The following RABGAP1L variants were observed in gnomAD, a reference collection of about 807,000 sequenced individuals.
RABGAP1L encodes the protein RAB GTPase activating protein 1 like, also known as rab GTPase-activating protein 1-like.
RABGAP1L carries 63 observed loss-of-function variants against 137.7 expected under a neutral mutation model. The observed-to-expected ratio is 0.46, with a 90% confidence interval of 0.37 to 0.56. RABGAP1L has a LOEUF of 0.56. RABGAP1L is among the 20% of genes least tolerant of loss of function. The pLI is 0.00. For synonymous variants in RABGAP1L, 431 were observed against 433.7 expected (o/e 0.99, Z 0.08); for missense variants, 1,095 against 1,244.0 (o/e 0.88, Z 1.80).
intron 19 of RABGAP1L, among the ~76,000 whole-genome samples, chr1:174,924,405 A>AAAG (rs1553282231): frequency 1.3e-4 from 19 of 151,288 alleles, no homozygotes; most frequent in Middle Eastern, 3.4e-3. Context: ...AAAAAAAAAA[A>AAAG]AGAGAGAGAT....
Position 174,199,108 on chromosome 1 carries a change from C to T in RABGAP1L, c.-33-20017C>T, listed in dbSNP as rs567470423. 3.3e-5 allele frequency among the ~76,000 whole-genome samples: 5 copies of T among 151,850 alleles called. No homozygotes were observed. In the East Asian group the frequency reaches 5.8e-4, roughly 18 times the overall value. On this transcript the variant is annotated intron_variant, in intron 1 of 25. Transcript: ENST00000681986. ...GGGCAACAAGAGCAAAACTCCATCT[C>T]GACAAAAGAAAAAGTTCTTATTACT...
intron 19 of RABGAP1L, chr1:174,892,310 A>G (rs2149123686): frequency 1.5e-5 from 5 of 329,608 alleles, no homozygotes; most frequent in South Asian, 5.0e-5. Flanking sequence ...GCCACTTGCT[A>G]TTTCAGCCAT....
intron 1 of RABGAP1L, among the ~76,000 whole-genome samples, chr1:174,188,356 T>C (rs915648684): frequency 6.6e-6 from 1 of 152,228 alleles, no homozygotes; most frequent in Non-Finnish European, 1.5e-5. Flanking sequence ...GTTCATAAAA[T>C]AAGTATTATC....
chr1:174,636,318 A>T (rs1338164855), intron 13 of RABGAP1L, among the ~76,000 whole-genome samples: 3 of 152,046 alleles, frequency 2.0e-5, no homozygotes, highest in Non-Finnish European at 2.9e-5. Context: ...GGAGTTTGAG[A>T]CCAGCCTGTT....
At chr1:174,716,564 T>G (rs1009077029) in intron 17 of RABGAP1L, among the ~76,000 whole-genome samples, 2 of 152,230 alleles carry the variant, frequency 1.3e-5, no homozygotes, top group Non-Finnish European at 2.9e-5. Flanking sequence ...TTTGCATTTG[T>G]TAAAAAAGAG....
chr1:174,945,826 T>C (rs1486466474), intron 19 of RABGAP1L: 1 of 152,218 alleles, frequency 6.6e-6, no homozygotes, highest in Non-Finnish European at 1.5e-5. Flanking sequence ...TCCAGTACCT[T>C]AAGGTGATCT....
intron 18 of RABGAP1L, among the ~76,000 whole-genome samples, chr1:174,793,565 C>T (rs2853055): frequency 1 from 152,065 of 152,382 alleles, 75,878 homozygotes; most frequent in Middle Eastern, 1. Flanking sequence ...CCCTGTGATA[C>T]AACTTGTAAG....
chr1:174,283,515 T>C (rs967791293), intron 10 of RABGAP1L, among the ~76,000 whole-genome samples: 1 of 151,964 alleles, frequency 6.6e-6, no homozygotes, highest in Non-Finnish European at 1.5e-5. Flanking sequence ...GTTTGTTTGT[T>C]TGTTTTTTTG....
chr1:174,554,957 A>G lies in RABGAP1L; in HGVS notation c.1711-82418A>G, dbSNP rs76850726. On this transcript the variant is annotated intron_variant, in intron 13 of 25. Transcript: ENST00000681986. ...CTTACACTTGGAGTTTCCAAGGCCA[A>G]CATGTAAGGAATTGCTCTTTAATTA... Among the ~76,000 whole-genome samples, 19 of 152,300 alleles carry G rather than the reference A, an allele frequency of 1.2e-4. No individual in the cohort carries two copies. In the East Asian group the frequency reaches 3.1e-3, roughly 25 times the overall value.
intron 11 of RABGAP1L, among the ~76,000 whole-genome samples, chr1:174,328,003 A>ATG (rs1680683010): frequency 7.8e-6 from 1 of 127,470 alleles, no homozygotes; most frequent in African/African-American, 3.8e-5. Context: ...ATATATATAT[A>ATG]TATATATATA....
rs1043671436 is a variant in RABGAP1L at position 174,220,918 on chromosome 1, T to G, written c.139-54T>G. The stretch of plus-strand genomic sequence containing the variant: ...TAGAAATGAAATACTTTCATAAAAT[T>G]TAGCTTCAGAACTATGGTAGAATTG... On this transcript the variant is annotated intron_variant, in intron 2 of 25. Transcript: ENST00000681986. The G allele has an allele frequency of 8.0e-6, 11 of 1,381,208 alleles. 1 individual carries two copies. Among genetic ancestry groups the G allele is most frequent in the Middle Eastern group, 1.9e-4 (1 of 5,254 alleles). 85.6% of individuals were successfully genotyped at this position (1,381,208 alleles called of 1,614,324 possible).
chr1:174,794,603 A>G (rs1688103924), intron 18 of RABGAP1L, among the ~76,000 whole-genome samples: 1 of 152,224 alleles, frequency 6.6e-6, no homozygotes, highest in African/African-American at 2.4e-5. Context: ...CTAAAAGATG[A>G]TGTAATAAGC....
At chr1:174,474,871 G>T (rs1658334377) in intron 13 of RABGAP1L, among the ~76,000 whole-genome samples, 1 of 152,108 alleles carries the variant, frequency 6.6e-6, no homozygotes, top group Admixed American at 6.5e-5. Context: ...AAAGTGGTGG[G>T]ATTACAGGCG....
intron 2 of RABGAP1L, among the ~76,000 whole-genome samples, chr1:174,219,647 A>G (rs916617089): frequency 6.6e-6 from 1 of 152,182 alleles, no homozygotes; most frequent in African/African-American, 2.4e-5. Context: ...CTTTCACTTG[A>G]GAGACTTTTT....
chr1:174,586,223 A>C (rs576910531), intron 13 of RABGAP1L, among the ~76,000 whole-genome samples: 1 of 152,326 alleles, frequency 6.6e-6, no homozygotes, highest in East Asian at 1.9e-4. Flanking sequence ...TGTCCTTTGC[A>C]GGGACATGGA....
At chr1:174,934,510 G>A (rs1664409027) in intron 19 of RABGAP1L, among the ~76,000 whole-genome samples, 1 of 152,176 alleles carries the variant, frequency 6.6e-6, no homozygotes, top group South Asian at 2.1e-4. Context: ...TTCAAGGCCA[G>A]GCATGGTGGC....
At chr1:174,678,762 C>G (rs1347447722) in intron 14 of RABGAP1L, among the ~76,000 whole-genome samples, 1 of 152,216 alleles carries the variant, frequency 6.6e-6, no homozygotes, top group South Asian at 2.1e-4. Context: ...ATTGTTATAG[C>G]TCTATTCAGC....
chr1:174,330,158 G>C (rs1034441284), intron 11 of RABGAP1L, among the ~76,000 whole-genome samples: 2 of 152,030 alleles, frequency 1.3e-5, no homozygotes, highest in African/African-American at 4.8e-5. Flanking sequence ...AAACCCTAAA[G>C]ACTCCACCAA....
chr1:174,256,549 G>T (rs1019243693), intron 7 of RABGAP1L, among the ~76,000 whole-genome samples: 1 of 152,170 alleles, frequency 6.6e-6, no homozygotes. Context: ...TTGGGAGGCC[G>T]AGGCGGGCAG....
Sources: gnomAD v4.1 joint callset for allele counts (sites outside exome capture counted in the v4.1 genomes callset) on GRCh38, gnomAD v4.1.1 for gene constraint, MANE v1.5 for transcripts, NCBI Gene and HGNC (gene_info 2026-07-23, HGNC 2026-07-21) for gene names.